The following STK39 variants were observed in gnomAD, a reference collection of about 807,000 sequenced individuals.
STK39 encodes STE20/SPS1-related proline-alanine-rich protein kinase.
A neutral mutation model predicts 77.8 loss-of-function variants in STK39; 20 were observed. That is an observed-to-expected ratio of 0.26 (90% CI 0.18 to 0.37). The LOEUF is 0.37. STK39 is among the 10% of genes least tolerant of loss of function. The pLI, the probability that STK39 is intolerant of heterozygous loss-of-function variation, is 1.00. For synonymous variants in STK39, 246 were observed against 234.1 expected, an observed-to-expected ratio of 1.05 and a Z score of -0.47; for missense variants, 479 against 656.5, an observed-to-expected ratio of 0.73 and a Z score of 2.95.
rs116308532 is a variant in STK39, at chr2:168,025,205, A to G, written c.1377-8110T>C. Among the ~76,000 whole-genome samples, 865 of 152,214 alleles carry G rather than the reference A, an allele frequency of 5.7e-3. 5 individuals are homozygous for G. The highest frequency in any genetic ancestry group is 0.02 in the African/African-American group (826 of 41,512). On this transcript the variant is annotated intron_variant, in intron 14 of 17. Transcript: ENST00000355999. ...TCTCTCCCTTGATGATTAATTCCAAATCCATAACTCAATCTCAGGTACTGC... is the reference window on the plus strand; with the variant it reads ...TCTCTCCCTTGATGATTAATTCCAAGTCCATAACTCAATCTCAGGTACTGC...
chr2:168,211,799 G>C lies in STK39; in HGVS notation c.209-29709C>G, dbSNP rs1161567577. On this transcript the variant is annotated intron_variant, in intron 1 of 17. Coordinates refer to ENST00000355999, the MANE Select transcript of STK39 (RefSeq NM_013233.3). Reference sequence around the variant, plus strand: ...TGCAAACACCTCCTCTTTCTGCACAGGGCGTTCATGTATAAATTCCTATGC... The same window carrying C: ...TGCAAACACCTCCTCTTTCTGCACACGGCGTTCATGTATAAATTCCTATGC... Among the ~76,000 whole-genome samples the C allele has an allele frequency of 2.0e-5, 3 of 152,266 alleles. No homozygotes were observed. In the East Asian group the frequency reaches 5.8e-4, roughly 29 times the overall value.
intron 8 of STK39, among the ~76,000 whole-genome samples, chr2:168,131,987 G>A (rs928714629): frequency 1.3e-5 from 2 of 152,148 alleles, no homozygotes; most frequent in Admixed American, 6.6e-5. Flanking sequence ...CCTCCAACAA[G>A]TCACAATCTA....
At chr2:168,160,221 T>G (rs1205181718) in intron 5 of STK39, among the ~76,000 whole-genome samples, 2 of 152,242 alleles carry the variant, frequency 1.3e-5, no homozygotes, top group Non-Finnish European at 2.9e-5. Flanking sequence ...ACCCTTTTAG[T>G]GAGAAATCAT....
At chr2:168,169,631 C>CGT (rs10611769) in intron 2 of STK39, among the ~76,000 whole-genome samples, 2,987 of 145,890 alleles carry the variant, frequency 0.02, 47 homozygotes, top group East Asian at 0.04. Flanking sequence ...TTGCAGTGAG[C>CGT]GTGTGTGTGT....
intron 10 of STK39, among the ~76,000 whole-genome samples, chr2:168,109,934 C>T (rs1245740722): frequency 6.6e-6 from 1 of 152,162 alleles, no homozygotes; most frequent in Non-Finnish European, 1.5e-5. Context: ...ATTTCAGATG[C>T]CAATCATTTG....
chr2:168,070,856 A>G (rs1188916918), intron 12 of STK39, among the ~76,000 whole-genome samples: 1 of 152,118 alleles, frequency 6.6e-6, no homozygotes, highest in Non-Finnish European at 1.5e-5. Context: ...ATGGCTATGA[A>G]TCTCAAGCCA....
chr2:168,061,861 C>T (rs1368635623), intron 14 of STK39, among the ~76,000 whole-genome samples: 1 of 152,146 alleles, frequency 6.6e-6, no homozygotes, highest in Non-Finnish European at 1.5e-5. Context: ...AGTTAAGGTT[C>T]AGTAGTACGT....
intron 10 of STK39, among the ~76,000 whole-genome samples, chr2:168,122,530 C>T (rs912956303): frequency 6.6e-6 from 1 of 152,114 alleles, no homozygotes; most frequent in South Asian, 2.1e-4. Context: ...ATTTCAACCT[C>T]CTGGGCTCCA....
At chr2:168,161,684 G>T in intron 5 of STK39, 103 bp downstream of exon 5, 1 of 757,062 alleles carries the variant, frequency 1.3e-6, no homozygotes, top group East Asian at 2.8e-5. Context: ...ATTCTGAAAA[G>T]AGATTACATG....
intron 10 of STK39, among the ~76,000 whole-genome samples, chr2:168,110,760 C>T (rs1282448613): frequency 2.0e-5 from 3 of 152,120 alleles, no homozygotes; most frequent in Non-Finnish European, 4.4e-5. Context: ...ATTCTTGAGC[C>T]TAAAATCTTC....
In STK39 at chr2:168,215,520, A is replaced by C. The variant is rs140316976; in HGVS notation, c.208+31708T>G. Among the ~76,000 whole-genome samples the C allele has an allele frequency of 3.0e-3, 454 of 152,328 alleles. 5 individuals are homozygous for C. The highest frequency in any genetic ancestry group is 3.0e-3 in the Non-Finnish European group (203 of 68,028). ...TCTGACTCCTCCAGCTACCATGCTA[A>C]AAACTCTACTTTTGCTGGATCTGTT... is the stretch of plus-strand genomic sequence containing the variant. On this transcript the variant is annotated intron_variant, in intron 1 of 17. Coordinates refer to ENST00000355999, the MANE Select transcript of STK39 (RefSeq NM_013233.3).
chr2:168,179,997 A>G (rs1689044538), intron 2 of STK39, among the ~76,000 whole-genome samples: 2 of 142,172 alleles, frequency 1.4e-5, no homozygotes, highest in African/African-American at 5.3e-5. Flanking sequence ...TTCTGTATCA[A>G]TATTCTGCTA....
chr2:167,980,317 A>G (rs1398672106), intron 16 of STK39, among the ~76,000 whole-genome samples: 1 of 152,220 alleles, frequency 6.6e-6, no homozygotes. Context: ...AAGGAAAAGA[A>G]AAGGCAACAC....
chr2:168,218,358 G>A (rs144135602), intron 1 of STK39, among the ~76,000 whole-genome samples: 6 of 152,172 alleles, frequency 3.9e-5, no homozygotes, highest in Admixed American at 2.0e-4. Flanking sequence ...GTTCACTTTC[G>A]CAGTGTTCAA....
intron 1 of STK39, among the ~76,000 whole-genome samples, chr2:168,188,419 T>C (rs1032476438): frequency 2.0e-5 from 3 of 152,236 alleles, no homozygotes; most frequent in African/African-American, 7.2e-5. Context: ...CATCTCCTAA[T>C]ACAATAAGGT....
intron 10 of STK39, among the ~76,000 whole-genome samples, chr2:168,104,933 TCCTAC>T (rs1686929494): frequency 6.6e-6 from 1 of 152,178 alleles, no homozygotes. Context: ...TTATAGTATA[TCCTAC>T]CCAGTAGTAC....
intron 5 of STK39, among the ~76,000 whole-genome samples, chr2:168,146,252 C>A (rs1688137185): frequency 6.6e-6 from 1 of 152,134 alleles, no homozygotes; most frequent in South Asian, 2.1e-4. Flanking sequence ...TAATGAAGGG[C>A]AAAATTTGGT....
chr2:168,003,837 G>C (rs1057188694), intron 16 of STK39, among the ~76,000 whole-genome samples: 2 of 152,128 alleles, frequency 1.3e-5, no homozygotes, highest in African/African-American at 2.4e-5. Flanking sequence ...GTGTAATAAA[G>C]ACACTATTTT....
At chr2:168,144,314 A>G (rs531128498) in intron 5 of STK39, among the ~76,000 whole-genome samples, 1 of 151,758 alleles carries the variant, frequency 6.6e-6, no homozygotes, top group South Asian at 2.1e-4. Flanking sequence ...TATTTATTTT[A>G]TTTTTTTGAA....
Sources: gnomAD v4.1 joint callset for allele counts (sites outside exome capture counted in the v4.1 genomes callset) on GRCh38, gnomAD v4.1.1 for gene constraint, MANE v1.5 for transcripts, NCBI Gene and HGNC (gene_info 2026-07-23, HGNC 2026-07-21) for gene names.